Variants in PEX3 observed in about 807,000 individuals in gnomAD.
PEX3 encodes peroxin-3.
In PEX3, 30 loss-of-function variants were observed where a neutral mutation model predicts 55.8. The ratio of observed to expected loss-of-function variants is 0.54; its 90% confidence interval spans 0.40 to 0.73. The LOEUF is 0.73. PEX3 is among the 30% of genes least tolerant of loss of function. The probability of loss-of-function intolerance (pLI) is 0.00; values close to 1 mark genes in which losing one functional copy is unlikely to be tolerated. For synonymous variants in PEX3, 135 were observed against 148.4 expected, an observed-to-expected ratio of 0.91 and a Z score of 0.66; for missense variants, 351 against 432.8, an observed-to-expected ratio of 0.81 and a Z score of 1.68.
In PEX3 at chr6:143,463,174, C is replaced by G. The variant is rs1779947988; in HGVS notation, c.287+177C>G. On this transcript the variant is annotated intron_variant, in intron 3 of 11. Coordinates refer to ENST00000367591, the MANE Select transcript of PEX3 (RefSeq NM_003630.3). The surrounding 1 kb of genome is among the most constrained non-coding windows in gnomAD (Gnocchi z 5.7). ...TACATTTAATTTTGTCTATGCTCTACTTTTTTGCATAAAGCATTCAAGGCA... is the reference window on the plus strand; with the variant it reads ...TACATTTAATTTTGTCTATGCTCTAGTTTTTTGCATAAAGCATTCAAGGCA... 6.6e-6 allele frequency among the ~76,000 whole-genome samples: 1 copy of G among 152,122 alleles called. No homozygotes were observed. Among genetic ancestry groups the G allele is most frequent in the African/African-American group, 2.4e-5 (1 of 41,424 alleles).
rs1779976019 is a variant in PEX3 at position 143,465,231 on chromosome 6, C to A, written c.287+2234C>A. Among the ~76,000 whole-genome samples the A allele has an allele frequency of 6.6e-6, 1 of 151,882 alleles. No individual in the cohort carries two copies. Among genetic ancestry groups the A allele is most frequent in the Non-Finnish European group, 1.5e-5 (1 of 67,858 alleles). ...GAAAGGAATATTTGTGTTGAAGGTA[C>A]TTTTCTCTGTTCTACATAGATTTGG... On this transcript the variant is annotated intron_variant, in intron 3 of 11. Transcript: ENST00000367591. This position sits in a 1 kb window ranked among gnomAD's most constrained non-coding sequence, Gnocchi z 4.7.
rs762149341 is a variant in PEX3, at chr6:143,485,638, A to G, written c.1038+390A>G. Among the ~76,000 whole-genome samples the G allele has an allele frequency of 6.6e-6, 1 of 152,128 alleles. No individual in the cohort carries two copies. The highest frequency in any genetic ancestry group is 2.4e-5 in the African/African-American group (1 of 41,434). ...AAAAAAATTTGTGGAGAAGTAAAGC[A>G]TTTTAGTGATTAATAAAATGTAACA... On this transcript the variant is annotated intron_variant, in intron 11 of 11. Coordinates refer to ENST00000367591, the MANE Select transcript of PEX3 (RefSeq NM_003630.3). This position sits in a 1 kb window ranked among gnomAD's most constrained non-coding sequence, Gnocchi z 5.6.
At chr6:143,472,642 A>G (rs904319881) in intron 8 of PEX3, among the ~76,000 whole-genome samples, 2 of 152,168 alleles carry the variant, frequency 1.3e-5, no homozygotes, top group East Asian at 3.9e-4. Flanking sequence ...ATACAAATTC[A>G]ATTGGTGGGC....
chr6:143,481,758 C>T (rs145720002), intron 10 of PEX3, among the ~76,000 whole-genome samples: 25 of 151,972 alleles, frequency 1.6e-4, no homozygotes, highest in African/African-American at 5.8e-4. Context: ...TAGCTCACTT[C>T]TGTAATCCTG....
chr6:143,467,287 T>C (rs956292626), intron 3 of PEX3, among the ~76,000 whole-genome samples: 1 of 152,088 alleles, frequency 6.6e-6, no homozygotes, highest in African/African-American at 2.4e-5. Context: ...TGACTAATTT[T>C]AGACTAATTT....
Position 143,459,219 on chromosome 6 carries a change from A to G in PEX3, c.205+3A>G. 1 of 1,610,988 alleles carries G rather than the reference A, an allele frequency of 6.2e-7. No individual in the cohort carries two copies. The highest frequency in any genetic ancestry group is 8.5e-7 in the Non-Finnish European group (1 of 1,177,316). On this transcript the variant is annotated splice_donor_region_variant and intron_variant, in intron 2 of 11. Transcript: ENST00000367591. The surrounding 1 kb of genome is among the most constrained non-coding windows in gnomAD (Gnocchi z 4.2). ...CCAGAGGACTTGCAATATGACAGGT[A>G]AGACAGAGAAATATTTATACATGTG...
Position 143,485,307 on chromosome 6 carries a change from GT to G in PEX3, c.1038+62del. 1.1e-6 allele frequency: 1 copy of G among 944,802 alleles called. No homozygotes were observed. The highest frequency in any genetic ancestry group is 1.3e-5 in the South Asian group (1 of 77,692). 58.5% of individuals were successfully genotyped at this position (944,802 alleles called of 1,614,324 possible). A position where few individuals can be genotyped will look rare whatever the true frequency, so the allele number is the denominator to read the frequency against. ...AAATTATATTTGTGGTGGTGGTCAT[GT>G]TTGTCTAACATAAAGTTACATTCTC... is the stretch of plus-strand genomic sequence containing the variant. On this transcript the variant is annotated intron_variant, in intron 11 of 11. Transcript: ENST00000367591. The surrounding 1 kb of genome is among the most constrained non-coding windows in gnomAD (Gnocchi z 5.6).
chr6:143,470,968 A>C lies in PEX3; in HGVS notation c.339A>C (p.Thr113=). The C allele has an allele frequency of 1.2e-6, 2 of 1,612,784 alleles. No homozygotes were observed. Among genetic ancestry groups the C allele is most frequent in the Non-Finnish European group, 1.7e-6 (2 of 1,179,044 alleles). Residue 113 remains threonine, a synonymous_variant, in exon 5 of 12, where the codon ACA becomes ACC. Transcript: ENST00000367591. ...TTTCTTTTCTCTGTGAAGGTTTCAC[A>C]AGAAGTACTGTGGCTGTATACAGTA... The part of the protein sequence containing the change: ...IWEDLKIISF[T]RSTVAVYSTC...
Position 143,471,312 on chromosome 6 carries a change from T to C in PEX3, c.457-71T>C. The C allele has an allele frequency of 7.9e-7, 1 of 1,272,044 alleles. No homozygotes were observed. Among genetic ancestry groups the C allele is most frequent in the Admixed American group, 1.7e-5 (1 of 57,586 alleles). The allele number at this position is 1,272,044 out of a possible 1,614,324, so 78.8% of individuals were successfully genotyped here. ...AGATCTTGAAAAATCTCAGCCAAAG[T>C]TTTATTGAAAACATTTCTTATTTAC... On this transcript the variant is annotated intron_variant, in intron 5 of 11. Coordinates refer to ENST00000367591, the MANE Select transcript of PEX3 (RefSeq NM_003630.3). This position sits in a 1 kb window ranked among gnomAD's most constrained non-coding sequence, Gnocchi z 5.4.
Position 143,471,017 on chromosome 6 carries a change from C to A in PEX3, c.388C>A (p.Arg130=). ...TACCTGTATGCTGGTTGTTCTTTTGCGGGTCCAGTTAAACATAATTGGTGG... is the reference window on the plus strand; with the variant it reads ...TACCTGTATGCTGGTTGTTCTTTTGAGGGTCCAGTTAAACATAATTGGTGG... ...YSTCMLVVLL[R]VQLNIIGGYI... The change falls in exon 5 of 12, where the codon CGG becomes AGG. Residue 130 remains arginine (R), a synonymous_variant. Transcript: ENST00000367591. The surrounding 1 kb of genome is among the most constrained non-coding windows in gnomAD (Gnocchi z 5.4). 2 of 1,612,084 alleles carry A rather than the reference C, an allele frequency of 1.2e-6. No homozygotes were observed. The highest frequency in any genetic ancestry group is 1.7e-6 in the Non-Finnish European group (2 of 1,178,360).
At chr6:143,480,283 A>T (rs1435591238) in intron 10 of PEX3, among the ~76,000 whole-genome samples, 1 of 152,210 alleles carries the variant, frequency 6.6e-6, no homozygotes, top group African/African-American at 2.4e-5. Flanking sequence ...AAATTTCACC[A>T]TAATCTGTAT....
intron 1 of PEX3, among the ~76,000 whole-genome samples, chr6:143,457,556 C>A (rs544966892): frequency 3.3e-5 from 5 of 152,074 alleles, no homozygotes; most frequent in Admixed American, 6.5e-5. Flanking sequence ...AGAGGGCTAC[C>A]CACTTTCTAC....
At chr6:143,472,112 G>A in intron 7 of PEX3, 48 bp from the exon 8 acceptor site, 1 of 1,225,988 alleles carries the variant, frequency 8.2e-7, no homozygotes, top group South Asian at 1.2e-5. Flanking sequence ...TATATAGGAT[G>A]TGTTGTATAG....
chr6:143,451,137 AG>A lies in PEX3; in HGVS notation c.73+27del, dbSNP rs764099097. ...GGAGGTGGGTGACAACGTGCTTGAA[AG>A]GGGGCATTGGGAGAAGGGGGTGGGA... On this transcript the variant is annotated intron_variant, in intron 1 of 11. Coordinates refer to ENST00000367591, the MANE Select transcript of PEX3 (RefSeq NM_003630.3). The surrounding 1 kb of genome is among the most constrained non-coding windows in gnomAD (Gnocchi z 4.1). 3.5e-5 allele frequency: 54 copies of A among 1,553,212 alleles called. No individual in the cohort carries two copies. In the Middle Eastern group the frequency reaches 5.0e-4, roughly 14 times the overall value.
rs201812523 is a variant in PEX3 at position 143,459,259 on chromosome 6, G to A, written c.205+43G>A. 4.2e-5 allele frequency: 66 copies of A among 1,566,410 alleles called. No homozygotes were observed. Among genetic ancestry groups the A allele is most frequent in the East Asian group, 4.5e-5 (2 of 44,420 alleles). The stretch of plus-strand genomic sequence containing the variant: ...TTATACATGTGTAAAGTTGTTTGAC[G>A]GTTGTATTAATTTGCATATCACCGG... On this transcript the variant is annotated intron_variant, in intron 2 of 11. Transcript: ENST00000367591. This position sits in a 1 kb window ranked among gnomAD's most constrained non-coding sequence, Gnocchi z 4.2.
rs144676672 is a variant in PEX3 at position 143,459,570 on chromosome 6, G to A, written c.205+354G>A. ...GCTGCCATATGGAACATAAAGCCAT[G>A]TGAGGGCTGGAACGTTCTTTAAGAC... On this transcript the variant is annotated intron_variant, in intron 2 of 11. Coordinates refer to ENST00000367591, the MANE Select transcript of PEX3 (RefSeq NM_003630.3). The surrounding 1 kb of genome is among the most constrained non-coding windows in gnomAD (Gnocchi z 4.2). 4.1e-3 allele frequency among the ~76,000 whole-genome samples: 619 copies of A among 152,308 alleles called. No homozygotes were observed. The highest frequency in any genetic ancestry group is 0.013 in the African/African-American group (559 of 41,568).
In PEX3 at chr6:143,475,874, C is replaced by G. The variant is rs1179989232; in HGVS notation, c.818+1018C>G. Among the ~76,000 whole-genome samples, 1 of 152,194 alleles carries G rather than the reference C, an allele frequency of 6.6e-6. No homozygotes were observed. The highest frequency in any genetic ancestry group is 1.5e-5 in the Non-Finnish European group (1 of 68,042). On this transcript the variant is annotated intron_variant, in intron 9 of 11. Coordinates refer to ENST00000367591, the MANE Select transcript of PEX3 (RefSeq NM_003630.3). This position sits in a 1 kb window ranked among gnomAD's most constrained non-coding sequence, Gnocchi z 4.4. ...AAATAATTTGTTCATTCACTTAATTCATTTATCTCATTGAATTATTCATCA... is the reference window on the plus strand; with the variant it reads ...AAATAATTTGTTCATTCACTTAATTGATTTATCTCATTGAATTATTCATCA...
At chr6:143,456,381 T>C (rs1310699700) in intron 1 of PEX3, among the ~76,000 whole-genome samples, 1 of 152,228 alleles carries the variant, frequency 6.6e-6, no homozygotes, top group Non-Finnish European at 1.5e-5. Flanking sequence ...TTTATGAGCC[T>C]GGATGAATTA....
chr6:143,489,434 A>G lies in PEX3; in HGVS notation c.*208A>G, dbSNP rs1269222974. Reference sequence around the variant, plus strand: ...TCAACAGACCAGTTTTTGTGGGCATATATATATACACGTGCAAATATCAGA... The same window carrying G: ...TCAACAGACCAGTTTTTGTGGGCATGTATATATACACGTGCAAATATCAGA... On this transcript the variant is annotated 3_prime_UTR_variant, in exon 12 of 12. Transcript: ENST00000367591. The surrounding 1 kb of genome is among the most constrained non-coding windows in gnomAD (Gnocchi z 5.5). 1 of 447,006 alleles carries G rather than the reference A, an allele frequency of 2.2e-6. No individual in the cohort carries two copies. The highest frequency in any genetic ancestry group is 3.6e-5 in the Admixed American group (1 of 27,562). The allele number at this position is 447,006 out of a possible 1,614,324, so 27.7% of individuals were successfully genotyped here.
Sources: allele counts gnomAD v4.1 joint callset (sites outside exome capture counted in the v4.1 genomes callset), GRCh38; gene constraint gnomAD v4.1.1; non-coding constraint Gnocchi (gnomAD v3.1); transcripts MANE v1.5; gene names NCBI Gene and HGNC (gene_info 2026-07-23, HGNC 2026-07-21).